The following AKT2 variants were observed in gnomAD, a reference collection of about 807,000 sequenced individuals.
The protein encoded by AKT2 is AKT serine/threonine kinase 2.
AKT2 carries 16 observed loss-of-function variants against 58.6 expected under a neutral mutation model. The ratio of observed to expected loss-of-function variants is 0.27; its 90% CI spans 0.18 to 0.41. The LOEUF (loss-of-function observed/expected upper bound fraction) is 0.41, where lower values mean the gene tolerates loss of function less well. Ranked by LOEUF, AKT2 falls within the 10% of genes least tolerant of loss-of-function variation. The pLI is 1.00. For missense variants in AKT2, 438 were observed against 661.0 expected (o/e 0.66, Z 3.70); for synonymous variants, 253 against 254.0 (o/e 1.00, Z 0.04).
At chr19:40,246,938 G>T (rs912130968) in intron 4 of AKT2, among the ~76,000 whole-genome samples, 1 of 152,230 alleles carries the variant, frequency 6.6e-6, no homozygotes, top group African/African-American at 2.4e-5. Context: ...CGCGCAGGGC[G>T]GGGTGGAAGG....
chr19:40,273,511 CA>C (rs34426676), intron 1 of AKT2: 175 of 132,502 alleles, frequency 1.3e-3, no homozygotes, highest in Non-Finnish European at 1.4e-3. Flanking sequence ...CTGGGTACTT[CA>C]AAAAAAAAAA....
chr19:40,254,399 G>A (rs1296292039), intron 4 of AKT2, among the ~76,000 whole-genome samples: 7 of 152,058 alleles, frequency 4.6e-5, no homozygotes, highest in Admixed American at 1.3e-4. Flanking sequence ...GTGGTGGCAC[G>A]TGCCTGTAAT....
chr19:40,251,817 T>C (rs965060901), intron 4 of AKT2, among the ~76,000 whole-genome samples: 1 of 152,232 alleles, frequency 6.6e-6, no homozygotes, highest in Admixed American at 6.5e-5. Flanking sequence ...AAAGTCCTTA[T>C]TCTTAGGAGA....
chr19:40,252,463 C>T (rs1295829655), intron 4 of AKT2, among the ~76,000 whole-genome samples: 1 of 152,202 alleles, frequency 6.6e-6, no homozygotes, highest in Non-Finnish European at 1.5e-5. Flanking sequence ...ACTAAAACAC[C>T]TTGTCAGCTC....
At chr19:40,277,650 C>T (rs2077351230) in intron 1 of AKT2, among the ~76,000 whole-genome samples, 1 of 152,186 alleles carries the variant, frequency 6.6e-6, no homozygotes, top group South Asian at 2.1e-4. Flanking sequence ...TTCCTTGCGG[C>T]CTTTACCTGG....
chr19:40,265,136 C>T (rs1600085400), intron 2 of AKT2, 86 bp downstream of exon 2: 2 of 1,551,836 alleles, frequency 1.3e-6, no homozygotes, highest in Non-Finnish European at 1.7e-6. Flanking sequence ...GCTGGTAAGA[C>T]CCTCCGCCTC....
chr19:40,235,953 C>A lies in AKT2; in HGVS notation c.1112G>T (p.Arg371Leu), dbSNP rs778561687. Residue 371 changes from arginine to leucine, a missense_variant, in exon 11 of 14, where the codon CGC becomes CTC. Coordinates refer to ENST00000392038, the MANE Select transcript of AKT2 (RefSeq NM_001626.6). This position sits in a 1 kb window ranked among gnomAD's most constrained non-coding sequence, Gnocchi z 6.3. ...LILMEEIRFP[R>L]TLSPEAKSLL... is the part of the protein sequence containing the mutation. ...GGACTTGGCCTCGGGGCTGAGCGTG[C>A]GCGGGAAGCGGATCTCTTCCATGAG... 1 of 1,613,728 alleles carries A rather than the reference C, an allele frequency of 6.2e-7. No individual in the cohort carries two copies. The highest frequency in any genetic ancestry group is 8.5e-7 in the Non-Finnish European group (1 of 1,180,032).
At position 40,251,609 on chromosome 19, in the gene AKT2, G is replaced by A. The variant is rs184311573; in HGVS notation, c.287+3549C>T. The stretch of plus-strand genomic sequence containing the variant: ...TTGGGGAGGAAAAAAAAAGACAAAG[G>A]GCTGAACTAGATTAAATAAAACAAG... On this transcript the variant is annotated intron_variant, in intron 4 of 13. Transcript: ENST00000392038. 3.4e-4 allele frequency among the ~76,000 whole-genome samples: 51 copies of A among 151,896 alleles called. No individual in the cohort carries two copies. The South Asian group carries it at 5.6e-3, about 17-fold the overall frequency.
intron 2 of AKT2, 118 bp from the exon 3 acceptor site, chr19:40,257,172 G>T: frequency 5.2e-6 from 7 of 1,357,422 alleles, no homozygotes; most frequent in Non-Finnish European, 7.3e-6. Flanking sequence ...GGGCGGGGAG[G>T]TGCGGGGGAC....
At position 40,231,038 on chromosome 19, in the gene AKT2, CA is replaced by C. The variant is rs551646237; in HGVS notation, c.*2833del. 1 of 212,506 alleles carries C rather than the reference CA, an allele frequency of 4.7e-6. No homozygotes were observed. The allele number at this position is 212,506 out of a possible 1,614,324, so 13.2% of individuals were successfully genotyped here. On this transcript the variant is annotated 3_prime_UTR_variant, in exon 14 of 14. Transcript: ENST00000392038. ...GTGCCCAGTCACTGTTCTTTATATA[CA>C]AAAAAGAATGTGTGAAATTTTTAAA...
At position 40,233,367 on chromosome 19, in the gene AKT2, T is replaced by C. The variant is rs1599942617; in HGVS notation, c.*505A>G. ...GGACATTATTGCTTTTCTGCCCCCA[T>C]AGGGGGACAGCGGGTGGGGGATTGG... On this transcript the variant is annotated 3_prime_UTR_variant, in exon 14 of 14. Transcript: ENST00000392038. The surrounding 1 kb of genome is among the most constrained non-coding windows in gnomAD (Gnocchi z 4.3). 2 of 420,258 alleles carry C rather than the reference T, an allele frequency of 4.8e-6. No homozygotes were observed. The highest frequency in any genetic ancestry group is 3.6e-5 in the Admixed American group (1 of 27,616). The allele number at this position is 420,258 out of a possible 1,614,324, so 26.0% of individuals were successfully genotyped here.
chr19:40,251,724 A>C (rs568048242), intron 4 of AKT2, among the ~76,000 whole-genome samples: 1 of 152,256 alleles, frequency 6.6e-6, no homozygotes, highest in East Asian at 1.9e-4. Flanking sequence ...AAGAAATTCA[A>C]GTACGGCATG....
intron 1 of AKT2, among the ~76,000 whole-genome samples, chr19:40,267,213 T>C (rs1289322545): frequency 6.6e-6 from 1 of 152,102 alleles, no homozygotes; most frequent in Non-Finnish European, 1.5e-5. Flanking sequence ...GGCTCCCTGG[T>C]GTTCCCAGCA....
Position 40,232,743 on chromosome 19 carries a change from C to G in AKT2, c.*1129G>C, listed in dbSNP as rs1973771903. 1 of 233,600 alleles carries G rather than the reference C, an allele frequency of 4.3e-6. No individual in the cohort carries two copies. The highest frequency in any genetic ancestry group is 1.3e-3 in the Middle Eastern group (1 of 788). The allele number at this position is 233,600 out of a possible 1,614,324, so 14.5% of individuals were successfully genotyped here. A position where few individuals can be genotyped will look rare whatever the true frequency, so the allele number is the denominator to read the frequency against. On this transcript the variant is annotated 3_prime_UTR_variant, in exon 14 of 14. Coordinates refer to ENST00000392038, the MANE Select transcript of AKT2 (RefSeq NM_001626.6). ...ACAAACACACATGCACACACACCCA[C>G]GTGTGCCTGCGTCCCGCCGACACAC...
At chr19:40,271,479 G>C (rs1475655651) in intron 1 of AKT2, among the ~76,000 whole-genome samples, 1 of 151,082 alleles carries the variant, frequency 6.6e-6, no homozygotes, top group Non-Finnish European at 1.5e-5. Flanking sequence ...AACTAGTGGT[G>C]TAACAGGCAG....
rs1410444072 is a variant in AKT2, at chr19:40,235,778, G to C, written c.1175+112C>G. 1 of 1,137,828 alleles carries C rather than the reference G, an allele frequency of 8.8e-7. No individual in the cohort carries two copies. Among genetic ancestry groups the C allele is most frequent in the Non-Finnish European group, 1.2e-6 (1 of 815,480 alleles). 70.5% of individuals were successfully genotyped at this position (1,137,828 alleles called of 1,614,324 possible). ...ACGTTTTCAGGGGCTGTGTGGGGAC[G>C]ACACACTGCGACCCTACAAGCGAGC... On this transcript the variant is annotated intron_variant, in intron 11 of 13. Transcript: ENST00000392038. The surrounding 1 kb of genome is among the most constrained non-coding windows in gnomAD (Gnocchi z 6.3).
intron 1 of AKT2, among the ~76,000 whole-genome samples, chr19:40,281,362 T>C (rs970350204): frequency 6.6e-6 from 1 of 152,138 alleles, no homozygotes; most frequent in Non-Finnish European, 1.5e-5. Flanking sequence ...CATGGTGGCA[T>C]GCACCTGTAG....
Position 40,234,531 on chromosome 19 carries a change from A to T in AKT2, c.1366+514T>A, listed in dbSNP as rs762802589. On this transcript the variant is annotated intron_variant, in intron 13 of 13. Transcript: ENST00000392038. The surrounding 1 kb of genome is among the most constrained non-coding windows in gnomAD (Gnocchi z 4.7). ...CATCCCACACGTCATTCCTCCGGCC[A>T]GCTGACACGTTTGCTTCCTCCTCTA... The T allele has an allele frequency of 3.4e-6, 1 of 297,570 alleles. No homozygotes were observed. The highest frequency in any genetic ancestry group is 6.3e-6 in the Non-Finnish European group (1 of 159,644). The allele number at this position is 297,570 out of a possible 1,614,324, so 18.4% of individuals were successfully genotyped here.
At position 40,271,047 on chromosome 19, in the gene AKT2, CA is replaced by C. The variant is rs2077202998; in HGVS notation, c.-84-5697del. 2.0e-5 allele frequency among the ~76,000 whole-genome samples: 3 copies of C among 148,010 alleles called. No homozygotes were observed. In the South Asian group the frequency reaches 6.4e-4, roughly 32 times the overall value. ...ACAAACAAACAAACAAACAAACAAA[CA>C]AAAAAAGCTGGCCGGGCACGGTGGC... is the stretch of plus-strand genomic sequence containing the variant. On this transcript the variant is annotated intron_variant, in intron 1 of 13. Coordinates refer to ENST00000392038, the MANE Select transcript of AKT2 (RefSeq NM_001626.6).
Sources: gnomAD v4.1 joint callset for allele counts (sites outside exome capture counted in the v4.1 genomes callset) on GRCh38, gnomAD v4.1.1 for gene constraint, Gnocchi (gnomAD v3.1) non-coding constraint, MANE v1.5 for transcripts, NCBI Gene and HGNC (gene_info 2026-07-23, HGNC 2026-07-21) for gene names.